The following ITGB3BP variants were observed in gnomAD, a reference collection of about 807,000 sequenced individuals.
ITGB3BP encodes the protein integrin subunit beta 3 binding protein.
ITGB3BP carries 27 observed loss-of-function variants against 29.1 expected under a neutral mutation model. That is an observed-to-expected ratio of 0.93 (90% CI 0.68 to 1.28). ITGB3BP has a LOEUF of 1.28. Ranked by LOEUF, ITGB3BP falls within the 50% of genes most tolerant of loss-of-function variation. ITGB3BP has a pLI of 0.00. For missense variants in ITGB3BP, 192 were observed against 200.2 expected (o/e 0.96, Z 0.25); for synonymous variants, 61 against 61.4 (o/e 0.99, Z 0.03).
At chr1:63,484,024 T>C (rs1306131135) in intron 3 of ITGB3BP, among the ~76,000 whole-genome samples, 1 of 152,170 alleles carries the variant, frequency 6.6e-6, no homozygotes, top group Non-Finnish European at 1.5e-5. Flanking sequence ...GGACTGTATA[T>C]GCATTTGTAA....
At chr1:63,446,242 AC>A (rs879822863) in intron 8 of ITGB3BP, among the ~76,000 whole-genome samples, 26 of 152,176 alleles carry the variant, frequency 1.7e-4, no homozygotes, top group Non-Finnish European at 2.8e-4. Context: ...GGTATACTAA[AC>A]ACTAATATAT....
At chr1:63,475,067 T>G (rs1412881025) in intron 4 of ITGB3BP, among the ~76,000 whole-genome samples, 1 of 150,144 alleles carries the variant, frequency 6.7e-6, no homozygotes, top group Admixed American at 6.7e-5. Context: ...CTCAACCTCC[T>G]AGGCTCAAGT....
intron 4 of ITGB3BP, among the ~76,000 whole-genome samples, chr1:63,474,915 T>TAA (rs1477732573): frequency 0.029 from 482 of 16,370 alleles, 2 homozygotes; most frequent in African/African-American, 0.031. Context: ...ATAAATAAAA[T>TAA]AAAAACAAAA....
chr1:63,442,970 G>GC (rs1179200431), intron 8 of ITGB3BP: 1 of 152,158 alleles, frequency 6.6e-6, no homozygotes, highest in Admixed American at 6.5e-5. Context: ...TAGCACTCTG[G>GC]CTGTGGCCTC....
chr1:63,486,699 T>C (rs1172881282), intron 3 of ITGB3BP, among the ~76,000 whole-genome samples: 1 of 152,036 alleles, frequency 6.6e-6, no homozygotes, highest in Non-Finnish European at 1.5e-5. Context: ...TCTCTGCTCA[T>C]TGGGAGCACT....
intron 2 of ITGB3BP, among the ~76,000 whole-genome samples, chr1:63,500,842 GAAC>G (rs1490509046): frequency 7.9e-5 from 12 of 152,054 alleles, no homozygotes; most frequent in Admixed American, 3.3e-4. Flanking sequence ...TCTTGAAAAA[GAAC>G]AACAAAGTTG....
At chr1:63,505,465 A>C (rs1046824704) in intron 2 of ITGB3BP, among the ~76,000 whole-genome samples, 26 of 151,968 alleles carry the variant, frequency 1.7e-4, no homozygotes, top group African/African-American at 5.5e-4. Flanking sequence ...AAAACCAGCT[A>C]CTGGATTCAT....
At position 63,448,755 on chromosome 1, in the gene ITGB3BP, A is replaced by C. The variant is rs553036972; in HGVS notation, c.485-1899T>G. On this transcript the variant is annotated intron_variant, in intron 7 of 8. Coordinates refer to ENST00000271002, the MANE Select transcript of ITGB3BP (RefSeq NM_014288.5). ...AAGAATAGTCTTCAGTCTATTCATT[A>C]CTGTCTTTTTACAGTATTTTTATTT... Among the ~76,000 whole-genome samples the C allele has an allele frequency of 1.5e-4, 23 of 152,268 alleles. No individual in the cohort carries two copies. In the South Asian group the frequency reaches 4.1e-3, roughly 27 times the overall value.
upstream of ITGB3BP, among the ~76,000 whole-genome samples, chr1:63,528,121 C>T (rs1298876494): frequency 2.6e-5 from 4 of 152,142 alleles, no homozygotes; most frequent in African/African-American, 9.7e-5. Context: ...GATATCTGCA[C>T]TCCCATGTTT....
chr1:63,459,488 A>T (rs2100527876), intron 4 of ITGB3BP, among the ~76,000 whole-genome samples: 1 of 152,286 alleles, frequency 6.6e-6, no homozygotes, highest in East Asian at 1.9e-4. Flanking sequence ...TAAATAGGTC[A>T]CTGAATCTCC....
At chr1:63,468,231 G>A (rs1645133403) in intron 4 of ITGB3BP, among the ~76,000 whole-genome samples, 3 of 152,192 alleles carry the variant, frequency 2.0e-5, no homozygotes, top group African/African-American at 7.2e-5. Context: ...GACTGACTGT[G>A]TTTAGGTCAG....
intron 4 of ITGB3BP, among the ~76,000 whole-genome samples, chr1:63,474,712 A>C (rs1447658460): frequency 3.3e-5 from 5 of 151,694 alleles, no homozygotes; most frequent in African/African-American, 1.2e-4. Context: ...GTTAAGAGTC[A>C]TCACCACTCC....
At chr1:63,451,430 TAAAAG>T (rs1387504367) in intron 7 of ITGB3BP, among the ~76,000 whole-genome samples, 1 of 151,710 alleles carries the variant, frequency 6.6e-6, no homozygotes, top group Non-Finnish European at 1.5e-5. Context: ...AATAAATAAA[TAAAAG>T]AAAGTGGAAA....
In ITGB3BP at chr1:63,453,993, C is replaced by A; in HGVS notation, c.428-19G>T. 6.8e-7 allele frequency: 1 copy of A among 1,468,976 alleles called. No homozygotes were observed. The highest frequency in any genetic ancestry group is 9.5e-7 in the Non-Finnish European group (1 of 1,057,756). 91.0% of individuals were successfully genotyped at this position (1,468,976 alleles called of 1,614,324 possible). ...TTTGTCACTAAAAGAAGTAAAAATCCCATGTCAAGAATTAACATAGAATAT... is the reference window on the plus strand; with the variant it reads ...TTTGTCACTAAAAGAAGTAAAAATCACATGTCAAGAATTAACATAGAATAT... On this transcript the variant is annotated intron_variant, in intron 6 of 8. Coordinates refer to ENST00000271002, the MANE Select transcript of ITGB3BP (RefSeq NM_014288.5).
At chr1:63,514,953 A>G (rs994897350) in intron 1 of ITGB3BP, among the ~76,000 whole-genome samples, 3 of 151,640 alleles carry the variant, frequency 2.0e-5, no homozygotes, top group African/African-American at 7.3e-5. Flanking sequence ...TCAAAAAAAA[A>G]AAAAAAAAAA....
Position 63,515,924 on chromosome 1 carries a change from A to T in ITGB3BP, c.5+7205T>A, listed in dbSNP as rs371410155. Among the ~76,000 whole-genome samples, 212 of 151,586 alleles carry T rather than the reference A, an allele frequency of 1.4e-3. 1 individual carries two copies. Among genetic ancestry groups the T allele is most frequent in the African/African-American group, 5.0e-3 (208 of 41,370 alleles). On this transcript the variant is annotated intron_variant, in intron 1 of 8. Coordinates refer to ENST00000271002, the MANE Select transcript of ITGB3BP (RefSeq NM_014288.5). ...AATAAATCATTATATCAAAAAGACAAATGTACTTGTACATTTATTGTAGCA... is the reference window on the plus strand; with the variant it reads ...AATAAATCATTATATCAAAAAGACATATGTACTTGTACATTTATTGTAGCA...
intron 2 of ITGB3BP, among the ~76,000 whole-genome samples, chr1:63,507,082 C>G (rs896799459): frequency 6.6e-6 from 1 of 152,112 alleles, no homozygotes; most frequent in African/African-American, 2.4e-5. Context: ...GATGTAAATA[C>G]AGAGCTTCAA....
intron 7 of ITGB3BP, chr1:63,447,653 A>T (rs777906805): frequency 4.2e-6 from 2 of 475,198 alleles, no homozygotes; most frequent in South Asian, 1.5e-5. Context: ...CAGAGAAAAA[A>T]GCAATCATTA....
At chr1:63,489,917 A>G (rs1354711804) in intron 3 of ITGB3BP, among the ~76,000 whole-genome samples, 166 bp downstream of exon 3, 1 of 152,134 alleles carries the variant, frequency 6.6e-6, no homozygotes, top group Non-Finnish European at 1.5e-5. Flanking sequence ...ATAAGTGCCA[A>G]AAGTTTACAT....
Sources: allele counts gnomAD v4.1 joint callset (sites outside exome capture counted in the v4.1 genomes callset), GRCh38; gene constraint gnomAD v4.1.1; transcripts MANE v1.5; gene names NCBI Gene and HGNC (gene_info 2026-07-23, HGNC 2026-07-21).